Variants in SAMD12 observed in about 807,000 individuals in gnomAD.
SAMD12 encodes sterile alpha motif domain containing 12.
Under a neutral mutation model 15.0 loss-of-function variants are expected in SAMD12, and 9 were observed. That is an observed-to-expected ratio of 0.60 (90% CI 0.36 to 1.05). SAMD12 has a LOEUF of 1.05. SAMD12 is among the 50% of genes least tolerant of loss of function. The pLI is 0.01. For missense variants in SAMD12, 230 were observed against 234.2 expected (o/e 0.98, Z 0.12); for synonymous variants, 86 against 90.1 (o/e 0.96, Z 0.25).
chr8:118,399,082 C>G (rs528300556), intron 3 of SAMD12, among the ~76,000 whole-genome samples: 1 of 152,230 alleles, frequency 6.6e-6, no homozygotes, highest in East Asian at 1.9e-4. Flanking sequence ...TGAGGTCTCA[C>G]TATGTTGTCC....
rs770579260 is a variant in SAMD12, at chr8:118,580,776, T to C, written c.131A>G (p.Gln44Arg). ...ESQSIKNKNF[Q>R]KVPDQKGTPK... ...AGTTCCTTTCTGGTCAGGCACCTTC[T>C]GGAAATTTTTATTTTTAATGGATTG... Residue 44 changes from glutamine (Q) to arginine (R), a missense_variant, in exon 2 of 4, where the codon CAG becomes CGG. Physicochemically the swap from Gln to Arg is conservative, Grantham distance 43 (BLOSUM62 1). Transcript: ENST00000314727. 1 of 1,613,500 alleles carries C rather than the reference T, an allele frequency of 6.2e-7. No homozygotes were observed. The highest frequency in any genetic ancestry group is 8.5e-7 in the Non-Finnish European group (1 of 1,179,522).
intron 4 of SAMD12, among the ~76,000 whole-genome samples, chr8:118,280,989 G>A (rs1042295932): frequency 5.3e-5 from 8 of 152,074 alleles, no homozygotes; most frequent in Non-Finnish European, 1.0e-4. Flanking sequence ...CATAGTCTTC[G>A]TAGAATCTTA....
chr8:118,381,230 T>C (rs1438358642), intron 3 of SAMD12, among the ~76,000 whole-genome samples: 1 of 152,024 alleles, frequency 6.6e-6, no homozygotes, highest in Admixed American at 6.6e-5. Flanking sequence ...GTGCGGTGGT[T>C]GGGGGTGGAG....
intron 4 of SAMD12, among the ~76,000 whole-genome samples, chr8:118,321,976 C>T (rs1816307309): frequency 6.6e-6 from 1 of 152,208 alleles, no homozygotes; most frequent in African/African-American, 2.4e-5. Flanking sequence ...CCACATTCTT[C>T]TTCCCCCAGA....
intron 2 of SAMD12, among the ~76,000 whole-genome samples, chr8:118,500,463 G>C (rs1395519368): frequency 6.6e-6 from 1 of 151,018 alleles, no homozygotes; most frequent in Non-Finnish European, 1.5e-5. Context: ...CTAGGACATA[G>C]AGACATGGGT....
Position 118,378,627 on chromosome 8 carries a change from G to A in SAMD12, c.*790C>T, listed in dbSNP as rs1728276525. On this transcript the variant is annotated 3_prime_UTR_variant, in exon 4 of 4. Transcript: ENST00000314727. ...AGATTTCTCCAATATCGGTATGCAT[G>A]CAATTACAATATTCTGCAGAATGAC... The A allele has an allele frequency of 1.0e-6, 1 of 984,738 alleles. No homozygotes were observed. Among genetic ancestry groups the A allele is most frequent in the African/African-American group, 1.7e-5 (1 of 57,216 alleles). 61.0% of individuals were successfully genotyped at this position (984,738 alleles called of 1,614,324 possible).
At chr8:118,550,671 C>A (rs922366726) in intron 2 of SAMD12, among the ~76,000 whole-genome samples, 4 of 151,714 alleles carry the variant, frequency 2.6e-5, no homozygotes, top group African/African-American at 9.7e-5. Flanking sequence ...CAAATTCACA[C>A]ATAACAATAT....
intron 1 of SAMD12, among the ~76,000 whole-genome samples, chr8:118,586,772 A>G (rs1827457935): frequency 6.6e-6 from 1 of 152,216 alleles, no homozygotes; most frequent in South Asian, 2.1e-4. Flanking sequence ...AGCTTTACAA[A>G]TGTAGTGTGT....
intron 4 of SAMD12, among the ~76,000 whole-genome samples, chr8:118,253,530 T>G (rs1008499251): frequency 2.0e-5 from 3 of 152,212 alleles, no homozygotes; most frequent in African/African-American, 7.2e-5. Context: ...TGAGTTGCCT[T>G]GCAAACAGCA....
chr8:118,405,858 A>C (rs1453300201), intron 3 of SAMD12, among the ~76,000 whole-genome samples: 1 of 152,212 alleles, frequency 6.6e-6, no homozygotes, highest in East Asian at 1.9e-4. Flanking sequence ...GGCTATAAAG[A>C]AAGCCTAGGT....
chr8:118,265,190 A>G (rs1396694696), intron 4 of SAMD12, among the ~76,000 whole-genome samples: 1 of 152,166 alleles, frequency 6.6e-6, no homozygotes, highest in Non-Finnish European at 1.5e-5. Context: ...TGGTAAAGCA[A>G]TATCTCAAAG....
chr8:118,412,172 G>C (rs1321564723), intron 3 of SAMD12, among the ~76,000 whole-genome samples: 1 of 152,158 alleles, frequency 6.6e-6, no homozygotes, highest in Non-Finnish European at 1.5e-5. Flanking sequence ...TGGGCCTGGC[G>C]AGGTTTCAGA....
chr8:118,423,369 T>A (rs559595164), intron 3 of SAMD12, among the ~76,000 whole-genome samples: 3 of 152,246 alleles, frequency 2.0e-5, no homozygotes, highest in Admixed American at 2.0e-4. Flanking sequence ...GGCCCTGAAG[T>A]GGTGAGTCCA....
chr8:118,550,331 C>G (rs1826285145), intron 2 of SAMD12, among the ~76,000 whole-genome samples: 1 of 152,212 alleles, frequency 6.6e-6, no homozygotes, highest in South Asian at 2.1e-4. Flanking sequence ...GTGGATCTCT[C>G]TGCAGAAACC....
At chr8:118,529,762 T>G (rs1825634515) in intron 2 of SAMD12, among the ~76,000 whole-genome samples, 1 of 152,196 alleles carries the variant, frequency 6.6e-6, no homozygotes, top group African/African-American at 2.4e-5. Context: ...CCATGATATG[T>G]ATGTATGTAT....
chr8:118,299,584 T>C (rs1003410050), intron 4 of SAMD12, among the ~76,000 whole-genome samples: 2 of 152,100 alleles, frequency 1.3e-5, no homozygotes, highest in African/African-American at 4.8e-5. Flanking sequence ...TGTCCAGTAA[T>C]GAATGGGTTT....
chr8:118,536,625 A>G (rs765144718), intron 2 of SAMD12, among the ~76,000 whole-genome samples: 1 of 152,234 alleles, frequency 6.6e-6, no homozygotes, highest in Non-Finnish European at 1.5e-5. Flanking sequence ...GCATAAACAA[A>G]CAAGCAAAGA....
chr8:118,477,487 A>C (rs1021523669), intron 2 of SAMD12, among the ~76,000 whole-genome samples: 2 of 152,208 alleles, frequency 1.3e-5, no homozygotes, highest in African/African-American at 4.8e-5. Flanking sequence ...CCTTTGTTTT[A>C]ACACAACCCA....
chr8:118,362,390 TGTG>T (rs1460568825), intron 4 of SAMD12, among the ~76,000 whole-genome samples: 1 of 152,220 alleles, frequency 6.6e-6, no homozygotes, highest in Non-Finnish European at 1.5e-5. Flanking sequence ...TCCTCGTTTC[TGTG>T]GTGTTGTCTG....
Sources: gnomAD v4.1 joint callset for allele counts (sites outside exome capture counted in the v4.1 genomes callset) on GRCh38, gnomAD v4.1.1 for gene constraint, MANE v1.5 for transcripts, NCBI Gene and HGNC (gene_info 2026-07-23, HGNC 2026-07-21) for gene names.